Variants in ARMC2 observed in about 807,000 individuals in gnomAD.
ARMC2 encodes armadillo repeat containing 2.
ARMC2 carries 67 observed loss-of-function variants against 90.3 expected under a neutral mutation model. The observed-to-expected ratio is 0.74, with a 90% CI of 0.61 to 0.91. The LOEUF is 0.91. Ranked by LOEUF, ARMC2 falls within the 40% of genes least tolerant of loss-of-function variation. The pLI is 0.00. For missense variants in ARMC2, 920 were observed against 1,030.9 expected, an observed-to-expected ratio of 0.89 and a Z score of 1.47; for synonymous variants, 393 against 393.0, an observed-to-expected ratio of 1.00 and a Z score of 0.00.
At chr6:109,031,015 G>A in the ARMC2 span, among the ~76,000 whole-genome samples, 2 of 152,162 alleles carry the variant, frequency 1.3e-5, no homozygotes, top group Admixed American at 1.3e-4. Context: ...GAAACAATTA[G>A]AGAACAATTC....
chr6:109,009,862 C>T, the ARMC2 span, among the ~76,000 whole-genome samples: 1 of 152,108 alleles, frequency 6.6e-6, no homozygotes, highest in Non-Finnish European at 1.5e-5. Flanking sequence ...AATCTGCCCC[C>T]TACACCCCTG....
chr6:108,897,502 A>G (rs1373684327), intron 6 of ARMC2, among the ~76,000 whole-genome samples: 1 of 150,752 alleles, frequency 6.6e-6, no homozygotes, highest in Admixed American at 6.7e-5. Context: ...TTTGTTGACA[A>G]CCTCTATTTA....
the ARMC2 span, among the ~76,000 whole-genome samples, chr6:109,032,766 C>T: frequency 6.6e-6 from 1 of 152,034 alleles, no homozygotes; most frequent in Non-Finnish European, 1.5e-5. Flanking sequence ...TACCCAAGCC[C>T]CTTAATGAAG....
intron 3 of ARMC2, among the ~76,000 whole-genome samples, chr6:108,859,067 A>G (rs971352980): frequency 7.9e-5 from 12 of 152,220 alleles, no homozygotes; most frequent in African/African-American, 2.9e-4. Flanking sequence ...TGAATTAATG[A>G]TAAATTCTCC....
the ARMC2 span, among the ~76,000 whole-genome samples, chr6:109,026,059 C>A: frequency 2.6e-5 from 4 of 150,982 alleles, no homozygotes; most frequent in African/African-American, 9.7e-5. Context: ...ATCTTAAAGT[C>A]CATGAAAGGG....
intron 4 of ARMC2, among the ~76,000 whole-genome samples, chr6:108,875,552 C>T (rs181395140): frequency 5.3e-5 from 8 of 152,314 alleles, no homozygotes; most frequent in African/African-American, 1.9e-4. Context: ...GTCCTCCCTA[C>T]CCTGCTGTAC....
the ARMC2 span, among the ~76,000 whole-genome samples, chr6:109,010,593 C>T: frequency 9.9e-5 from 15 of 152,162 alleles, no homozygotes; most frequent in African/African-American, 3.6e-4. Flanking sequence ...ACTCTTTTAG[C>T]TCTTCAACTA....
chr6:108,875,731 C>T (rs1026251939), intron 4 of ARMC2, among the ~76,000 whole-genome samples: 1 of 152,172 alleles, frequency 6.6e-6, no homozygotes, highest in African/African-American at 2.4e-5. Context: ...TTTTGATGCA[C>T]ACCAAGTACC....
intron 6 of ARMC2, among the ~76,000 whole-genome samples, chr6:108,897,716 T>A (rs931549491): frequency 1.2e-4 from 19 of 152,124 alleles, no homozygotes; most frequent in African/African-American, 4.3e-4. Context: ...TCAGCACCAT[T>A]TGATGGTTTG....
At chr6:108,856,240 GGTTTGTTTTTT>G (rs1252868118) in intron 2 of ARMC2, among the ~76,000 whole-genome samples, 4 of 151,608 alleles carry the variant, frequency 2.6e-5, no homozygotes, top group African/African-American at 4.8e-5. Context: ...AAGGGTGTTA[GGTTTGTTTTTT>G]GTTTGTTTTT....
chr6:108,900,184 T>C (rs1229648401), intron 7 of ARMC2, among the ~76,000 whole-genome samples: 1 of 152,236 alleles, frequency 6.6e-6, no homozygotes, highest in Non-Finnish European at 1.5e-5. Context: ...CTGGCGTCCT[T>C]GACAGGTGTG....
chr6:108,909,534 CTTTTCTTTT>C (rs1773184303), intron 8 of ARMC2, among the ~76,000 whole-genome samples: 1 of 151,630 alleles, frequency 6.6e-6, no homozygotes, highest in South Asian at 2.1e-4. Context: ...AGAGAATTTT[CTTTTCTTTT>C]TTTATTTTTT....
At chr6:109,030,558 G>A in the ARMC2 span, among the ~76,000 whole-genome samples, 1 of 152,044 alleles carries the variant, frequency 6.6e-6, no homozygotes, top group South Asian at 2.1e-4. Flanking sequence ...GGTGGGAATA[G>A]GTGAAAAAGA....
At chr6:108,979,119 T>A (rs1006989416), downstream of ARMC2, among the ~76,000 whole-genome samples, 1 of 152,212 alleles carries the variant, frequency 6.6e-6, no homozygotes, top group African/African-American at 2.4e-5. Flanking sequence ...ATGTTTTTGC[T>A]GTGGCTGGTA....
intron 1 of ARMC2, among the ~76,000 whole-genome samples, chr6:108,853,201 CAG>C (rs781287537): frequency 6.6e-6 from 1 of 152,120 alleles, no homozygotes; most frequent in Non-Finnish European, 1.5e-5. Flanking sequence ...TAGTTTTCAT[CAG>C]AAACTCTTGG....
chr6:108,933,547 T>G (rs2798649), intron 11 of ARMC2, among the ~76,000 whole-genome samples: 37,878 of 152,106 alleles, frequency 0.25, 4,941 homozygotes, highest in East Asian at 0.4. Context: ...AAAGGAAATA[T>G]TTTCATGGTT....
intron 17 of ARMC2, among the ~76,000 whole-genome samples, chr6:108,967,663 A>C (rs1190482147): frequency 6.6e-6 from 1 of 152,188 alleles, no homozygotes; most frequent in Non-Finnish European, 1.5e-5. Context: ...TAATACCTAC[A>C]GTGTGAACGC....
intron 1 of ARMC2, among the ~76,000 whole-genome samples, chr6:108,851,890 T>G (rs1445966227): frequency 6.6e-6 from 1 of 152,228 alleles, no homozygotes; most frequent in Non-Finnish European, 1.5e-5. Context: ...TAAATGTTTA[T>G]CTCACATTAG....
intron 6 of ARMC2, among the ~76,000 whole-genome samples, chr6:108,897,959 C>A (rs1771762843): frequency 6.6e-6 from 1 of 152,032 alleles, no homozygotes; most frequent in Non-Finnish European, 1.5e-5. Flanking sequence ...ATATATTTTT[C>A]TCTTCAAGAA....
Sources: gnomAD v4.1 joint callset for allele counts (sites outside exome capture counted in the v4.1 genomes callset) on GRCh38, gnomAD v4.1.1 for gene constraint, MANE v1.5 for transcripts, NCBI Gene and HGNC (gene_info 2026-07-23, HGNC 2026-07-21) for gene names.